WWOX: variants seen among roughly 807,000 people sequenced by gnomAD.
WWOX encodes the protein WW domain containing oxidoreductase, also known as WW domain-containing oxidoreductase.
WWOX carries 69 observed loss-of-function variants against 46.2 expected under a neutral mutation model. The ratio of observed to expected loss-of-function variants is 1.49; its 90% CI spans 1.23 to 1.82. The LOEUF (loss-of-function observed/expected upper bound fraction) is 1.82, where lower values mean the gene tolerates loss of function less well. Ranked by LOEUF, WWOX falls within the 40% of genes most tolerant of loss-of-function variation. The pLI is 0.00. For synonymous variants in WWOX, 359 were observed against 202.6 expected (o/e 1.77, Z -6.56); for missense variants, 919 against 542.6 (o/e 1.69, Z -6.89).
chr16:78,645,465 A>T (rs1169807411), intron 8 of WWOX, among the ~76,000 whole-genome samples: 1 of 152,138 alleles, frequency 6.6e-6, no homozygotes, highest in African/African-American at 2.4e-5. Context: ...CAAAGGAAGG[A>T]AATTTATTTG....
At chr16:78,688,611 T>G (rs1187368492) in intron 8 of WWOX, among the ~76,000 whole-genome samples, 2 of 152,140 alleles carry the variant, frequency 1.3e-5, no homozygotes, top group Non-Finnish European at 2.9e-5. Flanking sequence ...CCACTGCTTC[T>G]CTACCGGGGC....
intron 8 of WWOX, among the ~76,000 whole-genome samples, chr16:79,031,902 A>G (rs1252432866): frequency 2.3e-4 from 5 of 21,658 alleles, no homozygotes; most frequent in Non-Finnish European, 3.7e-4. Flanking sequence ...ACAGATATCT[A>G]TATATATAGA....
At position 78,769,545 on chromosome 16, in the gene WWOX, A is replaced by C. The variant is rs1278158255; in HGVS notation, c.1056+336793A>C. Among the ~76,000 whole-genome samples the C allele has an allele frequency of 2.4e-3, 93 of 38,122 alleles. 1 individual carries two copies. Among genetic ancestry groups the C allele is most frequent in the Middle Eastern group, 0.028 (1 of 36 alleles). 25.0% of individuals were successfully genotyped at this position (38,122 alleles called of 152,430 possible). The stretch of plus-strand genomic sequence containing the variant: ...CACCCCCCACATTATTTATTTATTT[A>C]TTTATTTATTTATTTATTTATTTAT... On this transcript the variant is annotated intron_variant, in intron 8 of 8. Transcript: ENST00000566780.
chr16:78,839,883 C>G (rs914589067), intron 8 of WWOX, among the ~76,000 whole-genome samples: 3 of 152,212 alleles, frequency 2.0e-5, no homozygotes, highest in African/African-American at 4.8e-5. Context: ...ACCCCAGGAA[C>G]TAGCGAAGCC....
At chr16:78,602,835 A>G (rs928708832) in intron 8 of WWOX, among the ~76,000 whole-genome samples, 4 of 152,200 alleles carry the variant, frequency 2.6e-5, no homozygotes, top group African/African-American at 9.6e-5. Context: ...CATTTTACAG[A>G]TAAGAAAATT....
chr16:78,884,612 A>G (rs567477144), intron 8 of WWOX, among the ~76,000 whole-genome samples: 1 of 152,318 alleles, frequency 6.6e-6, no homozygotes, highest in South Asian at 2.1e-4. Flanking sequence ...ATCCTATGTG[A>G]TTATAGTTAC....
rs534460070 is a variant in WWOX, at chr16:78,722,959, T to C, written c.1056+290207T>C. Among the ~76,000 whole-genome samples the C allele has an allele frequency of 3.5e-4, 53 of 152,218 alleles. No individual in the cohort carries two copies. In the South Asian group the frequency reaches 0.011, roughly 30 times the overall value. ...TGGGAGGCTGAGGCAGGAAGATTGCTTGAGCCCAGGAGTTAGAGGCTGCAG... is the reference window on the plus strand; with the variant it reads ...TGGGAGGCTGAGGCAGGAAGATTGCCTGAGCCCAGGAGTTAGAGGCTGCAG... On this transcript the variant is annotated intron_variant, in intron 8 of 8. Coordinates refer to ENST00000566780, the MANE Select transcript of WWOX (RefSeq NM_016373.4).
At chr16:78,381,293 C>A (rs1017114898) in intron 5 of WWOX, among the ~76,000 whole-genome samples, 5 of 152,230 alleles carry the variant, frequency 3.3e-5, no homozygotes, top group African/African-American at 1.2e-4. Context: ...TCCACACTTA[C>A]AGACTCTTGA....
intron 8 of WWOX, among the ~76,000 whole-genome samples, chr16:79,036,690 G>C (rs146357772): frequency 8.3e-4 from 126 of 152,362 alleles, no homozygotes; most frequent in African/African-American, 2.9e-3. Flanking sequence ...ACCTGCACTT[G>C]ATTGAACGAG....
chr16:78,509,264 C>A (rs1260811217), intron 8 of WWOX, among the ~76,000 whole-genome samples: 1 of 152,170 alleles, frequency 6.6e-6, no homozygotes, highest in Non-Finnish European at 1.5e-5. Context: ...CATGGCAAAA[C>A]CCTGTCTCTA....
At chr16:78,840,824 G>T (rs993874288) in intron 8 of WWOX, among the ~76,000 whole-genome samples, 1 of 152,076 alleles carries the variant, frequency 6.6e-6, no homozygotes, top group Middle Eastern at 3.4e-3. Context: ...TTTGTGGTCT[G>T]TGTTTCTTAT....
intron 8 of WWOX, among the ~76,000 whole-genome samples, chr16:78,777,640 A>G (rs1006109651): frequency 9.2e-5 from 14 of 152,178 alleles, no homozygotes; most frequent in African/African-American, 3.1e-4. Flanking sequence ...AATAGTCAAA[A>G]AAGACCTCAG....
chr16:78,303,167 C>G (rs1429490436), intron 5 of WWOX, among the ~76,000 whole-genome samples: 1 of 152,186 alleles, frequency 6.6e-6, no homozygotes, highest in Non-Finnish European at 1.5e-5. Context: ...CATTTTATAT[C>G]TTTGCCCTTT....
intron 8 of WWOX, among the ~76,000 whole-genome samples, chr16:78,540,940 G>A (rs1405427192): frequency 1.3e-5 from 2 of 152,066 alleles, no homozygotes; most frequent in Non-Finnish European, 2.9e-5. Context: ...CCTGCCTTGA[G>A]CTCCCGAAGC....
chr16:78,471,340 G>A (rs1470046303), intron 8 of WWOX, among the ~76,000 whole-genome samples: 1 of 152,194 alleles, frequency 6.6e-6, no homozygotes, highest in Admixed American at 6.5e-5. Flanking sequence ...AGGATGCTTT[G>A]CGAATGTAAC....
chr16:78,771,225 C>T (rs1192678335), intron 8 of WWOX, among the ~76,000 whole-genome samples: 2 of 152,184 alleles, frequency 1.3e-5, no homozygotes, highest in Non-Finnish European at 2.9e-5. Flanking sequence ...TTGAAAAGAT[C>T]GCTCTGGCTG....
intron 8 of WWOX, among the ~76,000 whole-genome samples, chr16:78,542,732 C>T (rs1185944947): frequency 6.6e-6 from 1 of 152,154 alleles, no homozygotes; most frequent in South Asian, 2.1e-4. Flanking sequence ...CTGGCATAAC[C>T]TTGAATCATA....
At chr16:78,215,776 A>G (rs1248308110) in intron 5 of WWOX, among the ~76,000 whole-genome samples, 1 of 152,006 alleles carries the variant, frequency 6.6e-6, no homozygotes, top group Non-Finnish European at 1.5e-5. Flanking sequence ...AAAAATACAA[A>G]ACAGCCGGGT....
chr16:78,883,395 C>G (rs542089388), intron 8 of WWOX, among the ~76,000 whole-genome samples: 3 of 152,266 alleles, frequency 2.0e-5, no homozygotes, highest in East Asian at 1.9e-4. Flanking sequence ...TAAATACAGT[C>G]TGTCATTTAC....
Sources: gnomAD v4.1 joint callset for allele counts (sites outside exome capture counted in the v4.1 genomes callset) on GRCh38, gnomAD v4.1.1 for gene constraint, MANE v1.5 for transcripts, NCBI Gene and HGNC (gene_info 2026-07-23, HGNC 2026-07-21) for gene names.